Variants in NFIB observed in about 807,000 individuals in gnomAD.
NFIB encodes nuclear factor I B, also known as nuclear factor 1 B-type.
Under a neutral mutation model 61.5 loss-of-function variants are expected in NFIB, and 11 were observed. The observed-to-expected ratio is 0.18, with a 90% CI of 0.11 to 0.30. The LOEUF (loss-of-function observed/expected upper bound fraction) is 0.30, where lower values mean the gene tolerates loss of function less well. Ranked by LOEUF, NFIB falls within the 10% of genes least tolerant of loss-of-function variation. The pLI is 1.00. For missense variants in NFIB, 471 were observed against 608.9 expected (o/e 0.77, Z 2.38); for synonymous variants, 260 against 216.5 (o/e 1.20, Z -1.76).
intron 2 of NFIB, among the ~76,000 whole-genome samples, chr9:14,291,678 C>A (rs915484888): frequency 1.1e-4 from 16 of 151,608 alleles, no homozygotes; most frequent in African/African-American, 3.9e-4. Flanking sequence ...ACATGCCACA[C>A]AAAGGAAAAG....
At chr9:14,480,323 C>T in the NFIB span, among the ~76,000 whole-genome samples, 1 of 152,124 alleles carries the variant, frequency 6.6e-6, no homozygotes, top group Non-Finnish European at 1.5e-5. Context: ...CTGTACCATG[C>T]TGCTTCTTGA....
intron 10 of NFIB, among the ~76,000 whole-genome samples, chr9:14,110,874 G>A (rs1563794285): frequency 6.6e-6 from 1 of 151,964 alleles, no homozygotes; most frequent in Non-Finnish European, 1.5e-5. Flanking sequence ...ATAAAATAAA[G>A]CATATATGGG....
At chr9:14,103,823 T>C (rs1427929609) in intron 10 of NFIB, among the ~76,000 whole-genome samples, 1 of 151,926 alleles carries the variant, frequency 6.6e-6, no homozygotes, top group Admixed American at 6.5e-5. Context: ...TGCATATACA[T>C]AGATAGATCA....
At chr9:14,505,402 A>T in the NFIB span, among the ~76,000 whole-genome samples, 1 of 152,192 alleles carries the variant, frequency 6.6e-6, no homozygotes, top group Non-Finnish European at 1.5e-5. Context: ...CTAGGGGGAC[A>T]TTTAATGAAG....
chr9:14,167,375 T>C (rs947358103), intron 3 of NFIB, among the ~76,000 whole-genome samples: 1 of 151,980 alleles, frequency 6.6e-6, no homozygotes. Flanking sequence ...AAACCCTACA[T>C]CTACTAAAAA....
At chr9:14,109,376 T>G (rs1001242551) in intron 10 of NFIB, among the ~76,000 whole-genome samples, 2 of 151,962 alleles carry the variant, frequency 1.3e-5, no homozygotes, top group African/African-American at 4.8e-5. Context: ...ATATACTGCA[T>G]TTTACTGAAC....
chr9:14,191,341 A>T (rs1205145760), intron 2 of NFIB, among the ~76,000 whole-genome samples: 1 of 152,118 alleles, frequency 6.6e-6, no homozygotes, highest in Non-Finnish European at 1.5e-5. Flanking sequence ...AAAAATAAAC[A>T]AAAATAAAAA....
rs955303253 is a variant in NFIB, at chr9:14,388,132, T to C, written c.108+10392A>G. 7.2e-5 allele frequency among the ~76,000 whole-genome samples: 11 copies of C among 152,262 alleles called. No individual in the cohort carries two copies. In the East Asian group the frequency reaches 1.3e-3, roughly 19 times the overall value. ...AGATGCCCATCAGTAAGGGAATGCA[T>C]AAAAGTATTATAGGATACTACAGTT... On this transcript the variant is annotated intron_variant, in intron 1 of 8. Transcript: ENST00000380934.
At chr9:14,322,011 G>A (rs889151126) in intron 1 of NFIB, 5 of 1,226,750 alleles carry the variant, frequency 4.1e-6, no homozygotes, top group Non-Finnish European at 4.1e-6. Context: ...CTGACTTGAC[G>A]TGTCTCAGGT....
At chr9:14,487,500 G>A in the NFIB span, among the ~76,000 whole-genome samples, 2 of 152,140 alleles carry the variant, frequency 1.3e-5, no homozygotes, top group Admixed American at 6.5e-5. Context: ...GGCCCCTGCC[G>A]ACTTAAATGG....
the NFIB span, among the ~76,000 whole-genome samples, chr9:14,411,322 C>T: frequency 3.3e-5 from 5 of 152,246 alleles, no homozygotes; most frequent in Admixed American, 6.5e-5. Flanking sequence ...GATACAAATC[C>T]GGTACATTTA....
chr9:14,219,820 A>C (rs1028477847), intron 2 of NFIB, among the ~76,000 whole-genome samples: 1 of 152,228 alleles, frequency 6.6e-6, no homozygotes, highest in Non-Finnish European at 1.5e-5. Context: ...ACACAATGGA[A>C]TTAAAGCTAT....
chr9:14,306,942 T>G (rs1405206231), intron 2 of NFIB, 47 bp downstream of exon 2: 3 of 1,597,192 alleles, frequency 1.9e-6, no homozygotes, highest in South Asian at 2.3e-5. Flanking sequence ...TACGGAGATT[T>G]GTAGGCGGTG....
At chr9:14,311,195 T>G (rs2060262228) in intron 1 of NFIB, among the ~76,000 whole-genome samples, 1 of 152,084 alleles carries the variant, frequency 6.6e-6, no homozygotes, top group Non-Finnish European at 1.5e-5. Context: ...GGTAGGTCCT[T>G]TTAAATTAAG....
At chr9:14,529,050 T>C in the NFIB span, among the ~76,000 whole-genome samples, 15 of 152,272 alleles carry the variant, frequency 9.9e-5, no homozygotes, top group African/African-American at 3.6e-4. Context: ...GGATGCGTCA[T>C]TTTAAAAACT....
the NFIB span, among the ~76,000 whole-genome samples, chr9:14,517,646 T>C: frequency 6.6e-6 from 1 of 152,118 alleles, no homozygotes; most frequent in Non-Finnish European, 1.5e-5. Context: ...TATATGTGTG[T>C]GTAGATAGGG....
intron 6 of NFIB, among the ~76,000 whole-genome samples, chr9:14,146,099 C>T (rs1451853628): frequency 6.6e-6 from 1 of 152,048 alleles, no homozygotes; most frequent in African/African-American, 2.4e-5. Flanking sequence ...AAGTCTCAAT[C>T]CTTCCGGGTC....
At chr9:14,414,155 G>A in the NFIB span, among the ~76,000 whole-genome samples, 1 of 152,062 alleles carries the variant, frequency 6.6e-6, no homozygotes, top group Non-Finnish European at 1.5e-5. Context: ...ATGAAGATAT[G>A]GGCCGGGTGT....
chr9:14,467,598 T>C, the NFIB span, among the ~76,000 whole-genome samples: 1 of 152,226 alleles, frequency 6.6e-6, no homozygotes, highest in African/African-American at 2.4e-5. Flanking sequence ...ATTTATTTAT[T>C]CAGTCAATTG....
Sources: allele counts gnomAD v4.1 joint callset (sites outside exome capture counted in the v4.1 genomes callset), GRCh38; gene constraint gnomAD v4.1.1; transcripts MANE v1.5; gene names NCBI Gene and HGNC (gene_info 2026-07-23, HGNC 2026-07-21).